Variants in RASIP1 observed in about 807,000 individuals in gnomAD.
RASIP1 encodes Ras interacting protein 1.
Under a neutral mutation model 85.3 loss-of-function variants are expected in RASIP1, and 20 were observed. That is an observed-to-expected ratio of 0.23 (90% CI 0.17 to 0.34). RASIP1 has a LOEUF of 0.34. Ranked by LOEUF, RASIP1 falls within the 10% of genes least tolerant of loss-of-function variation. The probability of loss-of-function intolerance (pLI) is 1.00; values close to 1 mark genes in which losing one functional copy is unlikely to be tolerated. For synonymous variants in RASIP1, 617 were observed against 647.1 expected, an observed-to-expected ratio of 0.95 and a Z score of 0.71; for missense variants, 1,170 against 1,390.9, an observed-to-expected ratio of 0.84 and a Z score of 2.53.
Position 48,740,025 on chromosome 19 carries a change from A to AG in RASIP1, c.137+120dup. On this transcript the variant is annotated intron_variant, in intron 2 of 11. Transcript: ENST00000222145. This position sits in a 1 kb window ranked among gnomAD's most constrained non-coding sequence, Gnocchi z 5.5. ...GCCCCACCGTCTCCCCCTGCCCACCAGCTCGTTTGCCCAATTCAGGATGAG... is the reference window on the plus strand; with the variant it reads ...GCCCCACCGTCTCCCCCTGCCCACCAGGCTCGTTTGCCCAATTCAGGATGAG... 1 of 1,317,152 alleles carries AG rather than the reference A, an allele frequency of 7.6e-7. No individual in the cohort carries two copies. Among genetic ancestry groups the AG allele is most frequent in the Non-Finnish European group, 1.0e-6 (1 of 989,658 alleles). 81.6% of individuals were successfully genotyped at this position (1,317,152 alleles called of 1,614,324 possible). A position where few individuals can be genotyped will look rare whatever the true frequency, so the allele number is the denominator to read the frequency against.
chr19:48,738,188 G>A lies in RASIP1; in HGVS notation c.823+772C>T, dbSNP rs879897427. Among the ~76,000 whole-genome samples the A allele has an allele frequency of 2.0e-5, 3 of 152,004 alleles. No homozygotes were observed. The highest frequency in any genetic ancestry group is 4.4e-5 in the Non-Finnish European group (3 of 67,980). On this transcript the variant is annotated intron_variant, in intron 3 of 11. Transcript: ENST00000222145. This position sits in a 1 kb window ranked among gnomAD's most constrained non-coding sequence, Gnocchi z 4.0. ...TCGAACTCCCAACCTCAGGTGATCC[G>A]CCCGCCTCAGCCTCTCAAAGTGCTG... is the stretch of plus-strand genomic sequence containing the variant.
chr19:48,737,838 C>T, intron 3 of RASIP1: 1 of 985,394 alleles, frequency 1.0e-6, no homozygotes, highest in Non-Finnish European at 1.2e-6. Context: ...CAACATGCCC[C>T]GCCCATCTGC....
intron 10 of RASIP1, among the ~76,000 whole-genome samples, chr19:48,723,245 T>C (rs1056276595): frequency 7.2e-5 from 11 of 152,104 alleles, no homozygotes; most frequent in African/African-American, 2.4e-4. Context: ...TTGTAAGATA[T>C]TTAAGAAGAA....
At chr19:48,725,792 A>G (rs772637951) in intron 8 of RASIP1, among the ~76,000 whole-genome samples, 1 of 152,166 alleles carries the variant, frequency 6.6e-6, no homozygotes, top group Admixed American at 6.5e-5. Flanking sequence ...TTATCTATCT[A>G]TTATATATGA....
intron 8 of RASIP1, chr19:48,725,473 G>C (rs1286889644): frequency 6.4e-6 from 1 of 155,628 alleles, no homozygotes; most frequent in Non-Finnish European, 1.4e-5. Flanking sequence ...GAGACTGATA[G>C]TTAGCTGTCC....
intron 4 of RASIP1, among the ~76,000 whole-genome samples, chr19:48,733,900 C>T (rs1205596392): frequency 6.6e-6 from 1 of 152,030 alleles, no homozygotes; most frequent in Non-Finnish European, 1.5e-5. Context: ...AAATGACTTC[C>T]CTGCCCTAGA....
chr19:48,728,724 T>C (rs1186747021), intron 5 of RASIP1, among the ~76,000 whole-genome samples: 1 of 152,176 alleles, frequency 6.6e-6, no homozygotes, highest in African/African-American at 2.4e-5. Flanking sequence ...AGACCGCCAC[T>C]GCACTCCAGC....
At position 48,735,183 on chromosome 19, in the gene RASIP1, G is replaced by C. The variant is rs1460068524; in HGVS notation, c.1179+13C>G. 1 of 1,596,982 alleles carries C rather than the reference G, an allele frequency of 6.3e-7. No individual in the cohort carries two copies. The highest frequency in any genetic ancestry group is 2.2e-5 in the East Asian group (1 of 44,644). On this transcript the variant is annotated intron_variant, in intron 4 of 11. Coordinates refer to ENST00000222145, the MANE Select transcript of RASIP1 (RefSeq NM_017805.3). ...ATAGGGCTCTGGGCGTGCGGGGCTG[G>C]GGCGGCGGTTACCTGGGCGTCCTGG... is the stretch of plus-strand genomic sequence containing the variant.
rs1303575034 is a variant in RASIP1, at chr19:48,727,140, G to A, written c.1890C>T (p.Pro630=). The A allele has an allele frequency of 7.4e-6, 12 of 1,613,904 alleles. No individual in the cohort carries two copies. Among genetic ancestry groups the A allele is most frequent in the Non-Finnish European group, 9.3e-6 (11 of 1,180,040 alleles). The change falls in exon 7 of 12, where the codon CCC becomes CCT. Residue 630 remains proline (P), a synonymous_variant. Transcript: ENST00000222145. ...CAGCTTCAGGAGTCAGGGGCACCTC[G>A]GGGACCCCCTCAGGGTGGCTTGAAA... ...RQPENHPEGV[P]EVPLTPEAVS... is the part of the protein sequence containing the mutation.
Position 48,720,788 on chromosome 19 carries a change from G to T in RASIP1, c.*10C>A, listed in dbSNP as rs544427140. ...ATTTCAAGGTTCGCGCGCTCGTTTG[G>T]TATTGGTTCTCAAGGAGACGTGGCC... is the stretch of plus-strand genomic sequence containing the variant. On this transcript the variant is annotated 3_prime_UTR_variant, in exon 12 of 12. Transcript: ENST00000222145. The T allele has an allele frequency of 6.2e-7, 1 of 1,613,652 alleles. No individual in the cohort carries two copies. The highest frequency in any genetic ancestry group is 8.5e-7 in the Non-Finnish European group (1 of 1,179,686).
At position 48,729,441 on chromosome 19, in the gene RASIP1, G is replaced by A. The variant is rs763218942; in HGVS notation, c.1329C>T (p.Gly443=). The change falls in exon 5 of 12, where the codon GGC becomes GGT. Residue 443 remains glycine, a synonymous_variant. Transcript: ENST00000222145. ...GGCGCACCATGGCCGGGTGCTCAGG[G>A]CCCGCGCGCACTGTGCAGTGACGCG... ...ILPRHCTVRA[G]PEHPAMVRPS... The A allele has an allele frequency of 8.3e-6, 13 of 1,563,536 alleles. No individual in the cohort carries two copies. In the Middle Eastern group the frequency reaches 5.0e-4, roughly 60 times the overall value.
At chr19:48,725,053 C>A in intron 8 of RASIP1, 93 bp from the exon 9 acceptor site, 1 of 1,466,400 alleles carries the variant, frequency 6.8e-7, no homozygotes, top group Non-Finnish European at 9.2e-7. Context: ...GGAGCTCCAC[C>A]AAAGTCTTCT....
At position 48,727,413 on chromosome 19, in the gene RASIP1, A is replaced by T. The variant is rs2033360609; in HGVS notation, c.1851T>A (p.Ile617=). Residue 617 remains isoleucine (I), a synonymous_variant, in exon 6 of 12, where the codon ATT becomes ATA. Transcript: ENST00000222145. ...KEAVWEKIKE[I]GDRQPENHPE... is the part of the protein sequence containing the mutation. ...CTTACTTTTCTGGCTGACGGTCTCC[A>T]ATTTCCTTAATCTTTTCCTGTGGAA... The T allele has an allele frequency of 6.2e-7, 1 of 1,613,894 alleles. No homozygotes were observed. The highest frequency in any genetic ancestry group is 8.5e-7 in the Non-Finnish European group (1 of 1,179,902).
In RASIP1 at chr19:48,735,558, A is replaced by T; in HGVS notation, c.824-7T>A. 6.5e-7 allele frequency: 1 copy of T among 1,527,588 alleles called. No individual in the cohort carries two copies. The highest frequency in any genetic ancestry group is 8.8e-7 in the Non-Finnish European group (1 of 1,136,284). 94.6% of individuals were successfully genotyped at this position (1,527,588 alleles called of 1,614,324 possible). ...CACGAAGGGGCGCCGGTGCCTGCGGAGAGATGGAGAACAGTGAGGCTGAGC... is the reference window on the plus strand; with the variant it reads ...CACGAAGGGGCGCCGGTGCCTGCGGTGAGATGGAGAACAGTGAGGCTGAGC... On this transcript the variant is annotated splice_polypyrimidine_tract_variant and splice_region_variant and intron_variant, in intron 3 of 11. Transcript: ENST00000222145.
intron 4 of RASIP1, among the ~76,000 whole-genome samples, chr19:48,731,706 C>T (rs1390757172): frequency 6.6e-6 from 1 of 152,204 alleles, no homozygotes; most frequent in African/African-American, 2.4e-5. Context: ...TAAATTCTAC[C>T]ATTACCCCTA....
intron 10 of RASIP1, among the ~76,000 whole-genome samples, chr19:48,723,631 C>G (rs1326986766): frequency 2.7e-5 from 4 of 150,292 alleles, no homozygotes; most frequent in Admixed American, 1.3e-4. Flanking sequence ...GTTTCCTCAT[C>G]CAAAAAACAG....
intron 5 of RASIP1, 112 bp from the exon 6 acceptor site, chr19:48,727,542 T>C: frequency 8.6e-7 from 1 of 1,166,564 alleles, no homozygotes; most frequent in South Asian, 1.4e-5. Flanking sequence ...GTCCTACTTT[T>C]CTTAGAGATG....
intron 6 of RASIP1, 40 bp downstream of exon 6, chr19:48,727,353 C>CT: frequency 1.2e-6 from 2 of 1,607,438 alleles, no homozygotes; most frequent in Non-Finnish European, 1.7e-6. Context: ...AACCCAACCC[C>CT]TGCATCCCTC....
chr19:48,726,993 G>A lies in RASIP1; in HGVS notation c.2023+14C>T, dbSNP rs1443946675. ...GGGAGACTTGGACAAGCCTGAGCCT[G>A]AGTCAGAGCTCACCCTCTTGGTCAG... On this transcript the variant is annotated intron_variant, in intron 7 of 11. Coordinates refer to ENST00000222145, the MANE Select transcript of RASIP1 (RefSeq NM_017805.3). 4 of 1,613,940 alleles carry A rather than the reference G, an allele frequency of 2.5e-6. No individual in the cohort carries two copies. The highest frequency in any genetic ancestry group is 3.4e-6 in the Non-Finnish European group (4 of 1,179,944).
Sources: allele counts gnomAD v4.1 joint callset (sites outside exome capture counted in the v4.1 genomes callset), GRCh38; gene constraint gnomAD v4.1.1; non-coding constraint Gnocchi (gnomAD v3.1); transcripts MANE v1.5; gene names NCBI Gene and HGNC (gene_info 2026-07-23, HGNC 2026-07-21).